LOC128462377: variants seen among roughly 807,000 people sequenced by gnomAD.
chr16:89,341,099 G>A, the LOC128462377 span, among the ~76,000 whole-genome samples: 1 of 152,176 alleles, frequency 6.6e-6, no homozygotes, highest in Non-Finnish European at 1.5e-5. Context: ...CCCAAGTCAT[G>A]TGGACTGTTT....
the LOC128462377 span, among the ~76,000 whole-genome samples, chr16:89,415,830 A>AAAAAAAAAAAAAAAAAAAAAAC: frequency 1.1e-5 from 1 of 92,118 alleles, no homozygotes; most frequent in Non-Finnish European, 2.1e-5. Context: ...ACTCTGTCTC[A>AAAAAAAAAAAAAAAAAAAAAAC]AAAAAAAAAA....
chr16:89,338,367 G>A, the LOC128462377 span, among the ~76,000 whole-genome samples: 1,541 of 147,956 alleles, frequency 0.01, 25 homozygotes, highest in African/African-American at 0.036. Context: ...CTGCAAAATT[G>A]AAACATGGGT....
At chr16:89,339,476 C>T in the LOC128462377 span, among the ~76,000 whole-genome samples, 1 of 144,202 alleles carries the variant, frequency 6.9e-6, no homozygotes, top group South Asian at 2.3e-4. Context: ...GCCCTGAGTG[C>T]ACGCAGCGCA....
chr16:89,351,670 T>C, the LOC128462377 span, among the ~76,000 whole-genome samples: 1 of 152,166 alleles, frequency 6.6e-6, no homozygotes, highest in Non-Finnish European at 1.5e-5. Context: ...GTTCGTGTCA[T>C]GCCACACAGC....
chr16:89,401,822 G>A, the LOC128462377 span, among the ~76,000 whole-genome samples: 3 of 152,070 alleles, frequency 2.0e-5, no homozygotes, highest in Non-Finnish European at 4.4e-5. Context: ...GGCGGAGATC[G>A]TGGTGATGCG....
chr16:89,337,500 G>A, the LOC128462377 span, among the ~76,000 whole-genome samples: 10 of 131,248 alleles, frequency 7.6e-5, no homozygotes, highest in East Asian at 2.4e-4. Flanking sequence ...GCAGTGGTGC[G>A]ATCTCAGCTC....
the LOC128462377 span, among the ~76,000 whole-genome samples, chr16:89,343,112 C>T: frequency 1.3e-5 from 2 of 152,122 alleles, no homozygotes; most frequent in African/African-American, 2.4e-5. Context: ...CCTCAGCCTC[C>T]CGAGTAGCTG....
the LOC128462377 span, among the ~76,000 whole-genome samples, chr16:89,401,543 G>A: frequency 3.9e-5 from 6 of 152,144 alleles, no homozygotes; most frequent in African/African-American, 1.4e-4. Context: ...TTTTATCTTG[G>A]GTGGAAGGAT....
the LOC128462377 span, among the ~76,000 whole-genome samples, chr16:89,406,916 C>A: frequency 6.6e-6 from 1 of 152,186 alleles, no homozygotes; most frequent in Non-Finnish European, 1.5e-5. Flanking sequence ...TGGTGGCTCA[C>A]GCCCATAATC....
the LOC128462377 span, among the ~76,000 whole-genome samples, chr16:89,343,145 C>G: frequency 6.6e-6 from 1 of 152,176 alleles, no homozygotes; most frequent in Non-Finnish European, 1.5e-5. Context: ...TGTGCCACCA[C>G]GCCTGGCTCA....
chr16:89,374,948 T>C, the LOC128462377 span, among the ~76,000 whole-genome samples: 1 of 152,142 alleles, frequency 6.6e-6, no homozygotes, highest in Non-Finnish European at 1.5e-5. Context: ...AGAAAAAGTA[T>C]GTCATGAATG....
chr16:89,324,123 G>C, the LOC128462377 span: 3 of 757,606 alleles, frequency 4.0e-6, no homozygotes, highest in East Asian at 2.5e-4. Flanking sequence ...GTGCCCCACG[G>C]CACAACGCTC....
the LOC128462377 span, among the ~76,000 whole-genome samples, chr16:89,414,415 G>A: frequency 5.5e-3 from 836 of 152,272 alleles, 13 homozygotes; most frequent in African/African-American, 0.019. Flanking sequence ...TGGGGTCATC[G>A]GGGGTCACGC....
At chr16:89,401,500 T>G in the LOC128462377 span, among the ~76,000 whole-genome samples, 1 of 152,252 alleles carries the variant, frequency 6.6e-6, no homozygotes, top group Non-Finnish European at 1.5e-5. Context: ...TTGTAAAAAG[T>G]ACATGATATA....
At chr16:89,341,073 A>T in the LOC128462377 span, among the ~76,000 whole-genome samples, 1 of 152,232 alleles carries the variant, frequency 6.6e-6, no homozygotes, top group Non-Finnish European at 1.5e-5. Context: ...CCCAGGAAAA[A>T]ATTAATAAGT....
chr16:89,325,500 A>G, the LOC128462377 span, among the ~76,000 whole-genome samples: 1 of 150,232 alleles, frequency 6.7e-6, no homozygotes. Flanking sequence ...CACACAGAGT[A>G]ATAATGTTGG....
At chr16:89,335,479 T>C in the LOC128462377 span, among the ~76,000 whole-genome samples, 1 of 152,160 alleles carries the variant, frequency 6.6e-6, no homozygotes, top group African/African-American at 2.4e-5. Flanking sequence ...CAGTACGCAG[T>C]GGGTTAGGGC....
the LOC128462377 span, among the ~76,000 whole-genome samples, chr16:89,318,699 G>C: frequency 8.5e-5 from 13 of 152,332 alleles, no homozygotes. Context: ...ACCATCTCAT[G>C]ACCTGCTTTG....
the LOC128462377 span, among the ~76,000 whole-genome samples, chr16:89,331,982 A>G: frequency 6.6e-6 from 1 of 152,136 alleles, no homozygotes; most frequent in African/African-American, 2.4e-5. Context: ...CACACAAAAC[A>G]TTCAAAAAAA....
Sources: gnomAD v4.1 joint callset for allele counts (sites outside exome capture counted in the v4.1 genomes callset) on GRCh38, gnomAD v4.1.1 for gene constraint, MANE v1.5 for transcripts.